The following LRIG1 variants were observed in gnomAD, a reference collection of about 807,000 sequenced individuals.
LRIG1 encodes the protein leucine-rich repeats and immunoglobulin-like domains protein 1.
In LRIG1, 48 loss-of-function variants were observed where a neutral mutation model predicts 99.2. The observed-to-expected ratio is 0.48, with a 90% CI of 0.38 to 0.62. The LOEUF (loss-of-function observed/expected upper bound fraction) is 0.62, where lower values mean the gene tolerates loss of function less well. Among genes scored for constraint, LRIG1 ranks in the 20% least tolerant of loss-of-function variants. The pLI is 0.00. For missense variants in LRIG1, 1,646 were observed against 1,434.4 expected, an observed-to-expected ratio of 1.15 and a Z score of -2.38; for synonymous variants, 772 against 596.1, an observed-to-expected ratio of 1.29 and a Z score of -4.30.
chr3:66,410,031 CCCG>C, intron 7 of LRIG1, 95 bp downstream of exon 7: 2 of 1,326,770 alleles, frequency 1.5e-6, no homozygotes, highest in Admixed American at 4.6e-5. Context: ...CTGAGCCCTC[CCCG>C]AGGCCACTGT....
rs1229619083 is a variant in LRIG1, at chr3:66,382,371, G to A, written c.2519C>T (p.Pro840Leu). The A allele has an allele frequency of 6.2e-7, 1 of 1,614,200 alleles. No homozygotes were observed. Among genetic ancestry groups the A allele is most frequent in the East Asian group, 2.2e-5 (1 of 44,878 alleles). The change falls in exon 16 of 19, where the codon CCA becomes CTA. Residue 840 changes from proline to leucine, a missense_variant. Physicochemically the swap from Pro to Leu is moderately conservative, Grantham distance 98. Coordinates refer to ENST00000273261, the MANE Select transcript of LRIG1 (RefSeq NM_015541.3). ...GGTCCCCTGAGAAGAGAGGTAGCTT[G>A]GAACATCTGGTGGCACGACGGTTTC... ...TDETVVPPDV[P>L]SYLSSQGTLS...
chr3:66,468,223 T>C (rs1047887132), intron 1 of LRIG1, among the ~76,000 whole-genome samples: 1 of 152,128 alleles, frequency 6.6e-6, no homozygotes, highest in Non-Finnish European at 1.5e-5. Flanking sequence ...TACTTTTGAG[T>C]AAGCTGTGGT....
intron 1 of LRIG1, among the ~76,000 whole-genome samples, chr3:66,470,749 C>CTCACCA (rs1471388411): frequency 6.6e-6 from 1 of 152,168 alleles, no homozygotes; most frequent in Non-Finnish European, 1.5e-5. Context: ...AATTTGTTTT[C>CTCACCA]TCACCATCAC....
intron 1 of LRIG1, among the ~76,000 whole-genome samples, chr3:66,481,123 G>T (rs1000071140): frequency 6.6e-6 from 1 of 152,162 alleles, no homozygotes; most frequent in Non-Finnish European, 1.5e-5. Context: ...TGTGGCTGAG[G>T]TCCCTCTATA....
At chr3:66,430,342 G>C (rs1004606746) in intron 3 of LRIG1, among the ~76,000 whole-genome samples, 1 of 152,140 alleles carries the variant, frequency 6.6e-6, no homozygotes, top group African/African-American at 2.4e-5. Context: ...ATGGATTTTC[G>C]ATTTTCAAAT....
intron 3 of LRIG1, among the ~76,000 whole-genome samples, chr3:66,420,894 G>C (rs1702786171): frequency 1.3e-5 from 2 of 152,182 alleles, no homozygotes. Context: ...GGTTTAATTG[G>C]ACTCACAGTT....
At chr3:66,471,901 C>A (rs1424227350) in intron 1 of LRIG1, among the ~76,000 whole-genome samples, 1 of 152,206 alleles carries the variant, frequency 6.6e-6, no homozygotes, top group African/African-American at 2.4e-5. Context: ...CCCTCCACAT[C>A]CGCCCCTGGC....
At chr3:66,380,923 G>C (rs370316784) in intron 17 of LRIG1, 62 bp from the exon 18 acceptor site, 37 of 1,548,292 alleles carry the variant, frequency 2.4e-5, no homozygotes, top group African/African-American at 1.4e-4. Context: ...TCCCCACACA[G>C]AGGACAGGCT....
intron 11 of LRIG1, among the ~76,000 whole-genome samples, chr3:66,394,763 G>C (rs544825882): frequency 6.6e-6 from 1 of 152,234 alleles, no homozygotes; most frequent in African/African-American, 2.4e-5. Flanking sequence ...ATTTGGCAAA[G>C]CTGCATGTTT....
chr3:66,384,307 G>C (rs115716799), intron 13 of LRIG1, 35 bp from the exon 14 acceptor site: 2 of 1,586,814 alleles, frequency 1.3e-6, no homozygotes. Flanking sequence ...CGGGTTACGG[G>C]ACAGCTAGAT....
chr3:66,405,074 C>G (rs577305966), intron 9 of LRIG1, 124 bp downstream of exon 9: 1 of 800,912 alleles, frequency 1.2e-6, no homozygotes, highest in Non-Finnish European at 2.1e-6. Flanking sequence ...CTGCCCCAAA[C>G]AAAAGCCAGC....
At chr3:66,499,639 G>C (rs947178421) in intron 1 of LRIG1, among the ~76,000 whole-genome samples, 4 of 152,160 alleles carry the variant, frequency 2.6e-5, no homozygotes, top group African/African-American at 7.2e-5. Flanking sequence ...GGTCTTCGGG[G>C]ATCAGGAGAC....
chr3:66,490,365 T>C (rs758161383), intron 1 of LRIG1, among the ~76,000 whole-genome samples: 5 of 152,252 alleles, frequency 3.3e-5, no homozygotes, highest in South Asian at 2.1e-4. Context: ...ATTCACTTCC[T>C]GGAAGCAACG....
At chr3:66,453,976 A>G (rs1703989374) in intron 2 of LRIG1, among the ~76,000 whole-genome samples, 1 of 152,222 alleles carries the variant, frequency 6.6e-6, no homozygotes, top group Non-Finnish European at 1.5e-5. Context: ...ATTGTGACAG[A>G]ACTGCTGGAA....
At chr3:66,396,285 T>C (rs1157260319) in intron 11 of LRIG1, among the ~76,000 whole-genome samples, 1 of 152,150 alleles carries the variant, frequency 6.6e-6, no homozygotes, top group Non-Finnish European at 1.5e-5. Flanking sequence ...ACCCCTAGGC[T>C]CTGCAGGCTC....
chr3:66,456,631 C>T (rs979978014), intron 2 of LRIG1, among the ~76,000 whole-genome samples: 7 of 150,384 alleles, frequency 4.7e-5, no homozygotes, highest in South Asian at 4.2e-4. Context: ...TACCCCAAAA[C>T]GACAACCCTC....
At chr3:66,399,129 C>G in intron 9 of LRIG1, 88 bp from the exon 10 acceptor site, 1 of 1,097,180 alleles carries the variant, frequency 9.1e-7, no homozygotes, top group Non-Finnish European at 1.4e-6. Flanking sequence ...AAAGAAAACA[C>G]ACAATTAAGG....
chr3:66,409,144 AC>A, intron 7 of LRIG1, among the ~76,000 whole-genome samples: 1 of 152,108 alleles, frequency 6.6e-6, no homozygotes, highest in East Asian at 1.9e-4. Flanking sequence ...ACAATCATTC[AC>A]TTCAGTGGGT....
chr3:66,407,537 C>A (rs1303547328), intron 7 of LRIG1, 46 bp from the exon 8 acceptor site: 5 of 1,601,808 alleles, frequency 3.1e-6, no homozygotes, highest in Non-Finnish European at 4.3e-6. Context: ...TGTGGTTGCC[C>A]CCCAACCCCA....
Sources: allele counts gnomAD v4.1 joint callset (sites outside exome capture counted in the v4.1 genomes callset), GRCh38; gene constraint gnomAD v4.1.1; transcripts MANE v1.5; gene names NCBI Gene and HGNC (gene_info 2026-07-23, HGNC 2026-07-21).